The following ACO2 variants were observed in gnomAD, a reference collection of about 807,000 sequenced individuals.
The protein encoded by ACO2 is aconitase 2, also known as aconitate hydratase, mitochondrial.
ACO2 carries 31 observed loss-of-function variants against 84.5 expected under a neutral mutation model. The ratio of observed to expected loss-of-function variants is 0.37; its 90% CI spans 0.28 to 0.50. ACO2 has a LOEUF of 0.50. Among genes scored for constraint, ACO2 ranks in the 20% least tolerant of loss-of-function variants. The probability of loss-of-function intolerance (pLI) is 0.97; values close to 1 mark genes in which losing one functional copy is unlikely to be tolerated. For missense variants in ACO2, 685 were observed against 1,029.3 expected, an observed-to-expected ratio of 0.67 and a Z score of 4.58; for synonymous variants, 414 against 412.7, an observed-to-expected ratio of 1.00 and a Z score of -0.04.
Position 41,528,141 on chromosome 22 carries a change from C to T in ACO2, c.2208+119C>T, listed in dbSNP as rs1024082044. The T allele has an allele frequency of 6.9e-5, 100 of 1,458,364 alleles. No homozygotes were observed. In the East Asian group the frequency reaches 2.1e-3, roughly 30 times the overall value. 90.3% of individuals were successfully genotyped at this position (1,458,364 alleles called of 1,614,324 possible). On this transcript the variant is annotated intron_variant, in intron 17 of 17. Transcript: ENST00000216254. ...GCTTCATTCCAGCTGGAAAGGCCCC[C>T]AGTTCTCCAGGTGGCCCCACAGAGA... is the stretch of plus-strand genomic sequence containing the variant.
chr22:41,493,342 G>A (rs534661770), intron 1 of ACO2, among the ~76,000 whole-genome samples: 38 of 152,084 alleles, frequency 2.5e-4, no homozygotes, highest in Non-Finnish European at 5.1e-4. Context: ...TCTTGCCCAT[G>A]TGTAGAGAAT....
intron 1 of ACO2, 84 bp from the exon 2 acceptor site, chr22:41,499,642 T>A: frequency 3.4e-6 from 5 of 1,462,476 alleles, no homozygotes; most frequent in Non-Finnish European, 4.6e-6. Context: ...AATTCCTGGA[T>A]TTTTTTCACC....
At chr22:41,526,000 G>A (rs1035679471) in intron 14 of ACO2, 85 of 417,712 alleles carry the variant, frequency 2.0e-4, no homozygotes, top group Non-Finnish European at 2.7e-4. Context: ...ACATTGACCT[G>A]TCCCAACTTT....
chr22:41,503,081 T>G (rs2066364885), intron 2 of ACO2, among the ~76,000 whole-genome samples: 1 of 152,228 alleles, frequency 6.6e-6, no homozygotes, highest in Non-Finnish European at 1.5e-5. Flanking sequence ...CAACAGAGTA[T>G]TATTCACTAT....
At chr22:41,493,128 A>G (rs1349090514) in intron 1 of ACO2, among the ~76,000 whole-genome samples, 1 of 152,150 alleles carries the variant, frequency 6.6e-6, no homozygotes, top group African/African-American at 2.4e-5. Context: ...ACCGACTCGC[A>G]TGACAACTAA....
intron 1 of ACO2, among the ~76,000 whole-genome samples, chr22:41,496,042 TG>T (rs1377538535): frequency 6.6e-6 from 1 of 151,858 alleles, no homozygotes; most frequent in African/African-American, 2.4e-5. Context: ...CCAGGTGTGG[TG>T]GCTCACACCT....
At chr22:41,510,669 T>C (rs2066426919) in intron 3 of ACO2, among the ~76,000 whole-genome samples, 1 of 152,194 alleles carries the variant, frequency 6.6e-6, no homozygotes, top group Non-Finnish European at 1.5e-5. Context: ...TCCCACCGTT[T>C]TGTTACTGGG....
chr22:41,469,238 C>G, intron 1 of ACO2, 56 bp downstream of exon 1: 1 of 1,576,198 alleles, frequency 6.3e-7, no homozygotes, highest in Non-Finnish European at 8.6e-7. Context: ...CCTACTGTGC[C>G]GGCGGCTGTG....
chr22:41,500,496 T>A (rs2066346849), intron 2 of ACO2, among the ~76,000 whole-genome samples: 1 of 151,572 alleles, frequency 6.6e-6, no homozygotes, highest in Non-Finnish European at 1.5e-5. Flanking sequence ...ACGATTCTTG[T>A]GCCTCAGCTT....
intron 1 of ACO2, among the ~76,000 whole-genome samples, chr22:41,470,128 G>C (rs555685593): frequency 6.6e-6 from 1 of 152,280 alleles, no homozygotes; most frequent in South Asian, 2.1e-4. Context: ...CTGACTGCCA[G>C]ATGATTTTTT....
intron 1 of ACO2, among the ~76,000 whole-genome samples, chr22:41,471,126 G>T (rs2037941721): frequency 6.6e-6 from 1 of 152,050 alleles, no homozygotes; most frequent in African/African-American, 2.4e-5. Context: ...GATCTTCATT[G>T]AACAAATGTA....
intron 1 of ACO2, among the ~76,000 whole-genome samples, chr22:41,498,355 C>G (rs2066330307): frequency 6.6e-6 from 1 of 152,044 alleles, no homozygotes; most frequent in African/African-American, 2.4e-5. Context: ...CCATAACAAT[C>G]ATTTATTTAT....
chr22:41,504,222 T>C (rs1052613950), intron 2 of ACO2, among the ~76,000 whole-genome samples: 5 of 152,198 alleles, frequency 3.3e-5, no homozygotes, highest in African/African-American at 1.2e-4. Context: ...AGGAAGAGAC[T>C]CTGGCTCAAA....
chr22:41,500,888 G>C lies in ACO2; in HGVS notation c.173+1026G>C, dbSNP rs576164610. On this transcript the variant is annotated intron_variant, in intron 2 of 17. Coordinates refer to ENST00000216254, the MANE Select transcript of ACO2 (RefSeq NM_001098.3). ...CTGGCTAATTTTTTGTATTTTTGTG[G>C]AGATGGGGTTTCATCATGTTGGCCA... Among the ~76,000 whole-genome samples, 10 of 152,062 alleles carry C rather than the reference G, an allele frequency of 6.6e-5. No homozygotes were observed. The South Asian group carries it at 1.9e-3, about 28-fold the overall frequency.
chr22:41,512,032 G>A (rs774080081), intron 4 of ACO2, 64 bp downstream of exon 4: 11 of 1,362,808 alleles, frequency 8.1e-6, no homozygotes, highest in Admixed American at 5.1e-5. Context: ...CCAGGCCTAT[G>A]GGGGGAGGGG....
chr22:41,477,074 G>A (rs943588667), intron 1 of ACO2, among the ~76,000 whole-genome samples: 4 of 151,168 alleles, frequency 2.6e-5, no homozygotes, highest in Admixed American at 6.6e-5. Flanking sequence ...AGGTTCAAGC[G>A]AGTCTCCTGC....
chr22:41,504,612 G>A (rs1044233237), intron 2 of ACO2, among the ~76,000 whole-genome samples: 13 of 152,068 alleles, frequency 8.5e-5, no homozygotes, highest in Non-Finnish European at 1.8e-4. Flanking sequence ...TGCCGCAATC[G>A]GCGCAGGCTG....
At chr22:41,492,071 C>G (rs946374714) in intron 1 of ACO2, among the ~76,000 whole-genome samples, 2 of 152,232 alleles carry the variant, frequency 1.3e-5, no homozygotes, top group African/African-American at 2.4e-5. Context: ...ACTTACCTCC[C>G]TGATCTCCAG....
In ACO2 at chr22:41,507,919, C is replaced by G. The variant is rs1389336695; in HGVS notation, c.302C>G (p.Ala101Gly). 2 of 1,614,124 alleles carry G rather than the reference C, an allele frequency of 1.2e-6. No homozygotes were observed. Among genetic ancestry groups the G allele is most frequent in the African/African-American group, 2.7e-5 (2 of 74,950 alleles). Reference protein sequence around the residue: ...LRPDRVAMQDATAQMAMLQFI... With the variant: ...LRPDRVAMQDGTAQMAMLQFI... The stretch of plus-strand genomic sequence containing the variant: ...CCGGACCGTGTGGCCATGCAGGATG[C>G]GACGGCCCAGATGGCCATGCTCCAG... The change falls in exon 3 of 18, where the codon GCG becomes GGG. Residue 101 changes from alanine to glycine, a missense_variant. By Grantham distance (60) the Ala-to-Gly change is moderately conservative (BLOSUM62 0). Around this residue, in one of 5 missense-constraint regions of ACO2, gnomAD observed 92 missense variants for 203.7 expected, o/e 0.45. Transcript: ENST00000216254.
Sources: gnomAD v4.1 joint callset for allele counts (sites outside exome capture counted in the v4.1 genomes callset) on GRCh38, gnomAD v4.1.1 for gene constraint, gnomAD v4.1.1 regional missense constraint, MANE v1.5 for transcripts, NCBI Gene and HGNC (gene_info 2026-07-23, HGNC 2026-07-21) for gene names.